Variants in WWOX observed in about 807,000 individuals in gnomAD.
WWOX encodes the protein WW domain containing oxidoreductase.
Under a neutral mutation model 46.2 loss-of-function variants are expected in WWOX, and 69 were observed. That is an observed-to-expected ratio of 1.49 (90% CI 1.23 to 1.82). WWOX has a LOEUF of 1.82. Among genes scored for constraint, WWOX ranks in the 40% most tolerant of loss-of-function variants. The probability of loss-of-function intolerance (pLI) is 0.00; values close to 1 mark genes in which losing one functional copy is unlikely to be tolerated. For missense variants in WWOX, 919 were observed against 542.6 expected (o/e 1.69, Z -6.89); for synonymous variants, 359 against 202.6 (o/e 1.77, Z -6.56).
chr16:78,384,116 C>T (rs2082011817), intron 5 of WWOX, among the ~76,000 whole-genome samples: 1 of 152,154 alleles, frequency 6.6e-6, no homozygotes, highest in African/African-American at 2.4e-5. Flanking sequence ...GGGGGAAATA[C>T]ATACATGCGT....
intron 8 of WWOX, among the ~76,000 whole-genome samples, chr16:78,844,576 A>G (rs370405946): frequency 3.3e-5 from 5 of 152,314 alleles, no homozygotes; most frequent in African/African-American, 9.6e-5. Flanking sequence ...GAAAATGGCA[A>G]CAGCACATGT....
At chr16:78,501,238 T>A (rs940383716) in intron 8 of WWOX, among the ~76,000 whole-genome samples, 1 of 138,708 alleles carries the variant, frequency 7.2e-6, no homozygotes, top group Non-Finnish European at 1.5e-5. Context: ...ACCTGCATGT[T>A]GTAAAAACAC....
intron 8 of WWOX, among the ~76,000 whole-genome samples, chr16:78,881,599 G>T (rs1323751293): frequency 6.6e-6 from 1 of 152,140 alleles, no homozygotes; most frequent in East Asian, 1.9e-4. Context: ...GAGTAATTGT[G>T]ACTTGATGTA....
intron 5 of WWOX, among the ~76,000 whole-genome samples, chr16:78,260,705 G>T (rs2079209074): frequency 2.0e-5 from 3 of 150,280 alleles, no homozygotes; most frequent in Admixed American, 6.6e-5. Context: ...TTGGGAGGCT[G>T]AGGCAGGTGG....
chr16:78,980,758 T>C (rs1239259194), intron 8 of WWOX, among the ~76,000 whole-genome samples: 1 of 152,156 alleles, frequency 6.6e-6, no homozygotes, highest in Non-Finnish European at 1.5e-5. Flanking sequence ...CTTTCTTACT[T>C]TTTGAATAAG....
chr16:78,392,751 C>T (rs1449656183), intron 6 of WWOX, among the ~76,000 whole-genome samples: 1 of 152,170 alleles, frequency 6.6e-6, no homozygotes, highest in Non-Finnish European at 1.5e-5. Flanking sequence ...ACTTCAGAGG[C>T]AGTGGTGTAA....
rs780145328 is a variant in WWOX at position 78,668,915 on chromosome 16, C to G, written c.1056+236163C>G. On this transcript the variant is annotated intron_variant, in intron 8 of 8. Coordinates refer to ENST00000566780, the MANE Select transcript of WWOX (RefSeq NM_016373.4). ...TCATCGGGCCTCCACATAGGGTATG[C>G]GAACCTCTTCATGTTTTTAAAAGGG... Among the ~76,000 whole-genome samples, 26 of 152,024 alleles carry G rather than the reference C, an allele frequency of 1.7e-4. 1 individual carries two copies. The highest frequency in any genetic ancestry group is 1.3e-4 in the Non-Finnish European group (9 of 68,004).
At chr16:78,891,714 G>A (rs183434201) in intron 8 of WWOX, 86 of 152,260 alleles carry the variant, frequency 5.6e-4, no homozygotes, top group Admixed American at 4.4e-3. Context: ...TTTCTAAATT[G>A]GTCAAGAAAG....
chr16:78,849,521 C>T (rs571112526), intron 8 of WWOX, among the ~76,000 whole-genome samples: 39 of 132,480 alleles, frequency 2.9e-4, no homozygotes, highest in Admixed American at 4.5e-4. Context: ...TTGCAGTGAG[C>T]GGAGATCGTG....
At chr16:78,425,160 A>G (rs1437308861) in intron 7 of WWOX, 105 bp downstream of exon 7, 9 of 1,475,864 alleles carry the variant, frequency 6.1e-6, no homozygotes, top group Non-Finnish European at 1.9e-6. Flanking sequence ...CCTGCTTGAG[A>G]CATGTGGGTG....
At chr16:79,031,944 A>G (rs1597303790) in intron 8 of WWOX, among the ~76,000 whole-genome samples, 1 of 142,172 alleles carries the variant, frequency 7.0e-6, no homozygotes, top group African/African-American at 2.5e-5. Context: ...GTATACAGAT[A>G]TCTGTATATA....
chr16:79,208,381 C>A (rs1162881184), intron 8 of WWOX, among the ~76,000 whole-genome samples: 19 of 149,162 alleles, frequency 1.3e-4, no homozygotes, highest in East Asian at 4.0e-4. Context: ...GATTGATTCT[C>A]AAAAAAAAAA....
chr16:78,409,393 T>G (rs1039928624), intron 6 of WWOX, among the ~76,000 whole-genome samples: 2 of 152,210 alleles, frequency 1.3e-5, no homozygotes, highest in East Asian at 3.9e-4. Context: ...ACCTAGCCCC[T>G]GGGAACCATT....
intron 8 of WWOX, among the ~76,000 whole-genome samples, chr16:78,852,446 A>G (rs1166110909): frequency 6.6e-6 from 1 of 152,158 alleles, no homozygotes; most frequent in African/African-American, 2.4e-5. Flanking sequence ...TCCGCATAGC[A>G]AGGAATCAGG....
chr16:79,098,487 G>C (rs569489785), intron 8 of WWOX, among the ~76,000 whole-genome samples: 1 of 152,344 alleles, frequency 6.6e-6, no homozygotes, highest in African/African-American at 2.4e-5. Flanking sequence ...AAGGTCATTG[G>C]AATCTTCTTC....
intron 8 of WWOX, among the ~76,000 whole-genome samples, chr16:78,669,249 C>T (rs776354455): frequency 2.6e-5 from 4 of 152,226 alleles, no homozygotes; most frequent in African/African-American, 9.6e-5. Flanking sequence ...CCTTCCCTCA[C>T]ATTTGCTGTC....
chr16:78,778,239 C>G (rs1274698910), intron 8 of WWOX, among the ~76,000 whole-genome samples: 1 of 152,038 alleles, frequency 6.6e-6, no homozygotes, highest in East Asian at 1.9e-4. Flanking sequence ...AATAACCTCC[C>G]ATCCCCTGTG....
At chr16:79,149,952 C>T (rs191631107) in intron 8 of WWOX, among the ~76,000 whole-genome samples, 77 of 152,284 alleles carry the variant, frequency 5.1e-4, no homozygotes, top group Middle Eastern at 6.8e-3. Flanking sequence ...TCTCAGATGC[C>T]GATGACCAGT....
intron 8 of WWOX, among the ~76,000 whole-genome samples, chr16:78,820,149 C>G (rs956560801): frequency 2.1e-4 from 32 of 152,114 alleles, no homozygotes; most frequent in South Asian, 2.1e-4. Flanking sequence ...CACAATGACC[C>G]TGTCCCTGCT....
Sources: allele counts gnomAD v4.1 joint callset (sites outside exome capture counted in the v4.1 genomes callset), GRCh38; gene constraint gnomAD v4.1.1; transcripts MANE v1.5; gene names NCBI Gene and HGNC (gene_info 2026-07-23, HGNC 2026-07-21).